The following RAB11FIP1 variants were observed in gnomAD, a reference collection of about 807,000 sequenced individuals.
RAB11FIP1 encodes RAB11 family interacting protein 1, also known as rab11 family-interacting protein 1.
Under a neutral mutation model 83.1 loss-of-function variants are expected in RAB11FIP1, and 49 were observed. That is an observed-to-expected ratio of 0.59 (90% CI 0.47 to 0.75). RAB11FIP1 has a LOEUF of 0.75. Ranked by LOEUF, RAB11FIP1 falls within the 30% of genes least tolerant of loss-of-function variation. The pLI, the probability that RAB11FIP1 is intolerant of heterozygous loss-of-function variation, is 0.00. For missense variants in RAB11FIP1, 1,536 were observed against 1,598.7 expected (o/e 0.96, Z 0.67); for synonymous variants, 670 against 656.0 (o/e 1.02, Z -0.33).
In RAB11FIP1 at chr8:37,860,144, TCA is replaced by T. The variant is rs1806206984; in HGVS notation, c.*2749_*2750del. 1 of 152,608 alleles carries T rather than the reference TCA, an allele frequency of 6.6e-6. No homozygotes were observed. The highest frequency in any genetic ancestry group is 2.4e-5 in the African/African-American group (1 of 41,390). The allele number at this position is 152,608 out of a possible 1,614,324, so 9.5% of individuals were successfully genotyped here. ...AGATGTCCCTCTCATATGGACTGAG[TCA>T]CACACCCCAGGTCCTAGCAGCAGAC... On this transcript the variant is annotated 3_prime_UTR_variant, in exon 6 of 6. Transcript: ENST00000330843.
intron 1 of RAB11FIP1, among the ~76,000 whole-genome samples, chr8:37,890,637 C>T (rs1259304894): frequency 6.6e-6 from 1 of 152,044 alleles, no homozygotes; most frequent in Admixed American, 6.6e-5. Flanking sequence ...AGAAAGTAAC[C>T]TGCTTCTTCA....
At position 37,883,835 on chromosome 8, in the gene RAB11FIP1, C is replaced by T. The variant is rs571128259; in HGVS notation, c.372-6284G>A. Among the ~76,000 whole-genome samples the T allele has an allele frequency of 6.8e-4, 103 of 152,246 alleles. 1 individual carries two copies. In the Middle Eastern group the frequency reaches 0.01, roughly 15 times the overall value. ...ATTATCTCAGAAATCAGGGTTGGGT[C>T]CATTTCCCTAGTCCAAAGGGCAGAA... On this transcript the variant is annotated intron_variant, in intron 1 of 5. Transcript: ENST00000330843.
chr8:37,873,844 A>C (rs1652850417), intron 3 of RAB11FIP1, among the ~76,000 whole-genome samples: 1 of 150,282 alleles, frequency 6.7e-6, no homozygotes, highest in African/African-American at 2.5e-5. Flanking sequence ...GATAAGTTTA[A>C]GAGGAACAGT....
intron 1 of RAB11FIP1, among the ~76,000 whole-genome samples, chr8:37,887,166 C>T (rs1450630926): frequency 6.6e-6 from 1 of 152,024 alleles, no homozygotes; most frequent in East Asian, 1.9e-4. Context: ...TTTTTTTGAC[C>T]TTAATTCCCA....
chr8:37,860,678 A>G lies in RAB11FIP1; in HGVS notation c.*2217T>C, dbSNP rs1806216210. 6.5e-6 allele frequency: 1 copy of G among 152,696 alleles called. No individual in the cohort carries two copies. Among genetic ancestry groups the G allele is most frequent in the Admixed American group, 6.5e-5 (1 of 15,288 alleles). The allele number at this position is 152,696 out of a possible 1,614,324, so 9.5% of individuals were successfully genotyped here. ...GTACATTTTCAGAGTTCAAGTGAACATACAGTTTTCTTTATAAGTATGTAA... is the reference window on the plus strand; with the variant it reads ...GTACATTTTCAGAGTTCAAGTGAACGTACAGTTTTCTTTATAAGTATGTAA... On this transcript the variant is annotated 3_prime_UTR_variant, in exon 6 of 6. Coordinates refer to ENST00000330843, the MANE Select transcript of RAB11FIP1 (RefSeq NM_001002814.3).
intron 5 of RAB11FIP1, among the ~76,000 whole-genome samples, chr8:37,869,783 GA>G (rs1806413668): frequency 6.6e-6 from 1 of 152,202 alleles, no homozygotes; most frequent in African/African-American, 2.4e-5. Context: ...CAGAGAGGAT[GA>G]GACTGATGGG....
intron 1 of RAB11FIP1, among the ~76,000 whole-genome samples, chr8:37,897,717 G>C (rs894549457): frequency 1.3e-5 from 2 of 152,016 alleles, no homozygotes; most frequent in African/African-American, 4.8e-5. Context: ...GCCCAGTTCT[G>C]CTCCGTCAAG....
Position 37,863,112 on chromosome 8 carries a change from T to C in RAB11FIP1, c.3635A>G (p.Lys1212Arg), listed in dbSNP as rs146844726. Residue 1212 changes from lysine to arginine, a missense_variant and splice_region_variant, in exon 6 of 6, where the codon AAA becomes AGA. Physicochemically the swap from Lys to Arg is conservative, Grantham distance 26. Transcript: ENST00000330843. Reference protein sequence around the residue: ...ENLNNEVMMKKYSPSDPAFAY... With the variant: ...ENLNNEVMMKRYSPSDPAFAY... ...AAATGCAGGGTCCGAGGGGCTGTAT[T>C]TCTTTGGAGGGGGGGAAATAGTTGG... 2 of 1,610,056 alleles carry C rather than the reference T, an allele frequency of 1.2e-6. No individual in the cohort carries two copies. The highest frequency in any genetic ancestry group is 1.7e-6 in the Non-Finnish European group (2 of 1,178,622).
intron 5 of RAB11FIP1, among the ~76,000 whole-genome samples, chr8:37,866,470 T>G (rs1806344347): frequency 6.6e-6 from 1 of 152,162 alleles, no homozygotes; most frequent in African/African-American, 2.4e-5. Context: ...TCACCAGGAT[T>G]CTTACCCTGG....
At position 37,873,121 on chromosome 8, in the gene RAB11FIP1, G is replaced by A; in HGVS notation, c.1681C>T (p.Pro561Ser). 6.2e-7 allele frequency: 1 copy of A among 1,611,904 alleles called. No homozygotes were observed. The highest frequency in any genetic ancestry group is 1.1e-5 in the South Asian group (1 of 90,952). ...GAAGGAAGAGGAGGAAGAGAGGAAGGGGAGTCAGTAGGGGAAGGAAGCCTG... is the reference window on the plus strand; with the variant it reads ...GAAGGAAGAGGAGGAAGAGAGGAAGAGGAGTCAGTAGGGGAAGGAAGCCTG... ...TARLPSPTDS[P>S]SSLPPLPSSS... The change falls in exon 4 of 6, where the codon CCT becomes TCT. Residue 561 changes from proline to serine, a missense_variant. Coordinates refer to ENST00000330843, the MANE Select transcript of RAB11FIP1 (RefSeq NM_001002814.3).
chr8:37,876,933 G>A (rs1376706789), intron 2 of RAB11FIP1, among the ~76,000 whole-genome samples, 176 bp downstream of exon 2: 3 of 151,952 alleles, frequency 2.0e-5, no homozygotes, highest in South Asian at 2.1e-4. Flanking sequence ...GAGCCACCAC[G>A]CCTAGCCTTA....
At chr8:37,890,086 C>T (rs1255762731) in intron 1 of RAB11FIP1, among the ~76,000 whole-genome samples, 3 of 152,200 alleles carry the variant, frequency 2.0e-5, no homozygotes, top group Non-Finnish European at 4.4e-5. Flanking sequence ...CTCACCAAAG[C>T]ATTTCTAAAT....
In RAB11FIP1 at chr8:37,874,609, T is replaced by G. The variant is rs770768566; in HGVS notation, c.1528A>C (p.Ile510Leu). Residue 510 changes from isoleucine to leucine, a missense_variant, in exon 3 of 6, where the codon ATC (isoleucine) becomes CTC (leucine). By Grantham distance (5) the Ile-to-Leu change is conservative (BLOSUM62 2). Coordinates refer to ENST00000330843, the MANE Select transcript of RAB11FIP1 (RefSeq NM_001002814.3). The stretch of plus-strand genomic sequence containing the variant: ...TCTGGCTCAGCTTCTGGTTCTGTGA[T>G]CTGCACATCTTCAAAGAGGTTCAGG... Reference protein sequence around the residue: ...SSLNLFEDVQITEPEAEPESK... With the variant: ...SSLNLFEDVQLTEPEAEPESK... The G allele has an allele frequency of 6.2e-7, 1 of 1,614,188 alleles. No homozygotes were observed. Among genetic ancestry groups the G allele is most frequent in the Middle Eastern group, 1.6e-4 (1 of 6,062 alleles).
chr8:37,883,827 G>A (rs1806770989), intron 1 of RAB11FIP1, among the ~76,000 whole-genome samples: 1 of 152,026 alleles, frequency 6.6e-6, no homozygotes, highest in South Asian at 2.1e-4. Context: ...CAGAAATCAG[G>A]GTTGGGTCCA....
chr8:37,897,903 TC>T (rs1203799431), intron 1 of RAB11FIP1, among the ~76,000 whole-genome samples: 11 of 152,178 alleles, frequency 7.2e-5, no homozygotes, highest in African/African-American at 2.7e-4. Context: ...CAAACGCCAT[TC>T]CCCTCCCCCA....
Position 37,899,402 on chromosome 8 carries a change from C to T in RAB11FIP1, c.40G>A (p.Val14Met). The part of the protein sequence containing the change: ...MVSAGRGLGA[V>M]WSPTHVQVTV... Reference sequence around the variant, plus strand: ...ACCTGCACGTGGGTTGGGGACCACACGGCCCCCAGGCCCCGGCCAGCCGAG... The same window carrying T: ...ACCTGCACGTGGGTTGGGGACCACATGGCCCCCAGGCCCCGGCCAGCCGAG... The change falls in exon 1 of 6, where the codon GTG becomes ATG. Residue 14 changes from valine (V) to methionine (M), a missense_variant. Physicochemically the swap from Val to Met is conservative, Grantham distance 21. Transcript: ENST00000330843. This position sits in a 1 kb window ranked among gnomAD's most constrained non-coding sequence, Gnocchi z 4.5. 2.5e-6 allele frequency: 4 copies of T among 1,590,784 alleles called. No homozygotes were observed. The highest frequency in any genetic ancestry group is 2.2e-5 in the South Asian group (2 of 88,912).
rs1178526819 is a variant in RAB11FIP1 at position 37,872,232 on chromosome 8, G to A, written c.2570C>T (p.Pro857Leu). 1.2e-6 allele frequency: 2 copies of A among 1,614,052 alleles called. No individual in the cohort carries two copies. Among genetic ancestry groups the A allele is most frequent in the Middle Eastern group, 3.3e-4 (2 of 6,062 alleles). The change falls in exon 4 of 6, where the codon CCC becomes CTC. Residue 857 changes from proline (P) to leucine (L), a missense_variant. Pro to Leu is a moderately conservative substitution (Grantham distance 98). Transcript: ENST00000330843. The part of the protein sequence containing the change: ...NASDGEPPES[P>L]HAEDSERESV... ...TTCCCTTTCTGAGTCCTCTGCGTGGGGAGACTCAGGAGGCTCTCCGTCAGA... is the reference window on the plus strand; with the variant it reads ...TTCCCTTTCTGAGTCCTCTGCGTGGAGAGACTCAGGAGGCTCTCCGTCAGA...
In RAB11FIP1 at chr8:37,899,202, G is replaced by T; in HGVS notation, c.240C>A (p.Ser80=). Residue 80 remains serine, a synonymous_variant, in exon 1 of 6, where the codon TCC becomes TCA. Transcript: ENST00000330843. This position sits in a 1 kb window ranked among gnomAD's most constrained non-coding sequence, Gnocchi z 4.5. ...ATFELPSLLS[S]GPAAAATLQL... ...GCAGGGTGGCGGCGGCCGCGGGTCCGGAGGACAGCAGCGATGGCAGCTCGA... is the reference window on the plus strand; with the variant it reads ...GCAGGGTGGCGGCGGCCGCGGGTCCTGAGGACAGCAGCGATGGCAGCTCGA... The T allele has an allele frequency of 1.3e-6, 2 of 1,572,656 alleles. No homozygotes were observed. Among genetic ancestry groups the T allele is most frequent in the African/African-American group, 1.4e-5 (1 of 73,840 alleles).
intron 1 of RAB11FIP1, among the ~76,000 whole-genome samples, chr8:37,888,132 A>G (rs1007111365): frequency 5.3e-5 from 8 of 152,192 alleles, no homozygotes; most frequent in African/African-American, 1.9e-4. Context: ...TTTGAGACGG[A>G]GTCTCATTCT....
Sources: allele counts gnomAD v4.1 joint callset (sites outside exome capture counted in the v4.1 genomes callset), GRCh38; gene constraint gnomAD v4.1.1; non-coding constraint Gnocchi (gnomAD v3.1); transcripts MANE v1.5; gene names NCBI Gene and HGNC (gene_info 2026-07-23, HGNC 2026-07-21).